The following PARD3B variants were observed in gnomAD, a reference collection of about 807,000 sequenced individuals.
PARD3B encodes partitioning defective 3 homolog B.
PARD3B carries 103 observed loss-of-function variants against 130.2 expected under a neutral mutation model. That is an observed-to-expected ratio of 0.79 (90% CI 0.67 to 0.93). The LOEUF (loss-of-function observed/expected upper bound fraction) is 0.93. Among genes scored for constraint, PARD3B ranks in the 40% least tolerant of loss-of-function variants. The pLI, the probability that PARD3B is intolerant of heterozygous loss-of-function variation, is 0.00. For synonymous variants in PARD3B, 583 were observed against 553.2 expected (o/e 1.05, Z -0.76); for missense variants, 1,609 against 1,499.2 (o/e 1.07, Z -1.21).
At chr2:205,344,311 A>G (rs1249203413) in intron 18 of PARD3B, among the ~76,000 whole-genome samples, 1 of 151,772 alleles carries the variant, frequency 6.6e-6, no homozygotes, top group Admixed American at 6.6e-5. Flanking sequence ...TATGGAGTGG[A>G]TGAGGCACAC....
rs113483740 is a variant in PARD3B at position 205,205,850 on chromosome 2, G to A, written c.2140+12530G>A. 8.0e-3 allele frequency among the ~76,000 whole-genome samples: 1,219 copies of A among 152,256 alleles called. 17 individuals are homozygous for A. Among genetic ancestry groups the A allele is most frequent in the African/African-American group, 0.014 (571 of 41,540 alleles). On this transcript the variant is annotated intron_variant, in intron 15 of 22. Coordinates refer to ENST00000406610, the MANE Select transcript of PARD3B (RefSeq NM_001302769.2). ...ATGTGCTGCTGGATTTGGTTTGCCA[G>A]TATTTTATTGAGGATTTTTGCATCG... is the stretch of plus-strand genomic sequence containing the variant.
chr2:204,889,996 T>A (rs2046391725), intron 2 of PARD3B, among the ~76,000 whole-genome samples: 1 of 152,266 alleles, frequency 6.6e-6, no homozygotes, highest in Non-Finnish European at 1.5e-5. Context: ...GTGTTTCTCC[T>A]TCTATAGAAA....
rs1185590532 is a variant in PARD3B, at chr2:204,965,087, CTAGA to C, written c.223-61_223-58del. Reference sequence around the variant, plus strand: ...GCAACCAAATAAAGATCACGTTCAGCTAGATAGTGTCCGTGTGGTATGCATGTCC... The same window carrying C: ...GCAACCAAATAAAGATCACGTTCAGCTAGTGTCCGTGTGGTATGCATGTCC... On this transcript the variant is annotated intron_variant, in intron 2 of 22. Transcript: ENST00000406610. 8 of 1,488,136 alleles carry C rather than the reference CTAGA, an allele frequency of 5.4e-6. No individual in the cohort carries two copies. The East Asian group carries it at 1.6e-4, about 30-fold the overall frequency. The allele number at this position is 1,488,136 out of a possible 1,614,324, so 92.2% of individuals were successfully genotyped here.
intron 20 of PARD3B, among the ~76,000 whole-genome samples, chr2:205,491,787 C>G (rs890157695): frequency 2.6e-5 from 4 of 152,102 alleles, no homozygotes; most frequent in African/African-American, 9.7e-5. Context: ...AAGCAGGACA[C>G]ATATTGAGAA....
chr2:205,471,972 G>A (rs546681070), intron 20 of PARD3B, among the ~76,000 whole-genome samples: 5 of 152,220 alleles, frequency 3.3e-5, no homozygotes, highest in African/African-American at 1.2e-4. Context: ...TTACCACTCA[G>A]CTTACTTAGA....
intron 2 of PARD3B, among the ~76,000 whole-genome samples, chr2:204,770,654 A>T (rs969883586): frequency 6.6e-6 from 1 of 151,994 alleles, no homozygotes; most frequent in Non-Finnish European, 1.5e-5. Flanking sequence ...ATGATGCGAT[A>T]TTTTGAGAGG....
At chr2:205,012,048 C>T (rs1392165386) in intron 3 of PARD3B, among the ~76,000 whole-genome samples, 3 of 152,090 alleles carry the variant, frequency 2.0e-5, no homozygotes, top group Non-Finnish European at 4.4e-5. Flanking sequence ...GCTGCTTTCC[C>T]CAATTCCTGA....
At chr2:204,611,631 T>C (rs11901243) in intron 1 of PARD3B, among the ~76,000 whole-genome samples, 3,253 of 152,252 alleles carry the variant, frequency 0.021, 126 homozygotes, top group East Asian at 0.14. Context: ...AAGATTATAA[T>C]ATGTAAGATA....
At chr2:204,700,721 G>A (rs1452892008) in intron 2 of PARD3B, among the ~76,000 whole-genome samples, 1 of 152,014 alleles carries the variant, frequency 6.6e-6, no homozygotes, top group Non-Finnish European at 1.5e-5. Flanking sequence ...ATTCATCTAA[G>A]GCAGGACAAT....
rs1355918217 is a variant in PARD3B, at chr2:205,563,369, T to C, written c.3260+9966T>C. ...CTGGCTAGGAGTCATATGATGCTCCTTTAATAAAAGAAAAAAATGTATCCT... is the reference window on the plus strand; with the variant it reads ...CTGGCTAGGAGTCATATGATGCTCCCTTAATAAAAGAAAAAAATGTATCCT... On this transcript the variant is annotated intron_variant, in intron 22 of 22. Transcript: ENST00000406610. This position sits in a 1 kb window ranked among gnomAD's most constrained non-coding sequence, Gnocchi z 4.2. Among the ~76,000 whole-genome samples, 2 of 152,230 alleles carry C rather than the reference T, an allele frequency of 1.3e-5. No homozygotes were observed. Among genetic ancestry groups the C allele is most frequent in the Non-Finnish European group, 2.9e-5 (2 of 68,042 alleles).
chr2:205,522,094 CAAAT>C (rs2051089937), intron 21 of PARD3B, among the ~76,000 whole-genome samples: 1 of 150,942 alleles, frequency 6.6e-6, no homozygotes, highest in South Asian at 2.1e-4. Context: ...TTATCTTTAC[CAAAT>C]AATATATTTA....
At position 205,198,145 on chromosome 2, in the gene PARD3B, T is replaced by C. The variant is rs111582721; in HGVS notation, c.2140+4825T>C. 7.7e-3 allele frequency among the ~76,000 whole-genome samples: 1,176 copies of C among 152,328 alleles called. 16 individuals are homozygous for C. Among genetic ancestry groups the C allele is most frequent in the Middle Eastern group, 0.014 (4 of 294 alleles). ...ATTCAGAGTTAAGTTTAAAATGCTG[T>C]TTCTCACAAGATACTGTTTTTAGAG... On this transcript the variant is annotated intron_variant, in intron 15 of 22. Coordinates refer to ENST00000406610, the MANE Select transcript of PARD3B (RefSeq NM_001302769.2).
intron 14 of PARD3B, among the ~76,000 whole-genome samples, chr2:205,190,534 G>A (rs551917129): frequency 6.6e-5 from 10 of 152,202 alleles, no homozygotes; most frequent in South Asian, 6.2e-4. Context: ...TTGCGGATTC[G>A]GGATCAGCAA....
intron 22 of PARD3B, among the ~76,000 whole-genome samples, chr2:205,580,135 G>A (rs1262168428): frequency 6.6e-6 from 1 of 152,132 alleles, no homozygotes; most frequent in Non-Finnish European, 1.5e-5. Context: ...TGCAAGAAGT[G>A]TTCATCTGTG....
In PARD3B at chr2:204,986,989, A is replaced by G. The variant is rs149329357; in HGVS notation, c.394+21666A>G. On this transcript the variant is annotated intron_variant, in intron 3 of 22. Coordinates refer to ENST00000406610, the MANE Select transcript of PARD3B (RefSeq NM_001302769.2). ...TTTTAGGGAGATATTCTAAAACAATAGCACAGGTACTGAACAAACTTCCCA... is the reference window on the plus strand; with the variant it reads ...TTTTAGGGAGATATTCTAAAACAATGGCACAGGTACTGAACAAACTTCCCA... 3.5e-3 allele frequency among the ~76,000 whole-genome samples: 536 copies of G among 152,352 alleles called. 3 individuals are homozygous for G. Among genetic ancestry groups the G allele is most frequent in the Middle Eastern group, 6.8e-3 (2 of 294 alleles).
At chr2:204,916,022 T>G (rs899124011) in intron 2 of PARD3B, among the ~76,000 whole-genome samples, 1 of 152,220 alleles carries the variant, frequency 6.6e-6, no homozygotes, top group African/African-American at 2.4e-5. Context: ...TCATATTATA[T>G]AGATGGCTTC....
chr2:205,523,569 T>C (rs1446696927), intron 21 of PARD3B, among the ~76,000 whole-genome samples: 1 of 152,094 alleles, frequency 6.6e-6, no homozygotes, highest in East Asian at 1.9e-4. Context: ...AATAATCTTT[T>C]GAGTACCTTA....
intron 1 of PARD3B, among the ~76,000 whole-genome samples, chr2:204,568,358 A>G (rs987678525): frequency 8.5e-5 from 13 of 152,224 alleles, no homozygotes; most frequent in Non-Finnish European, 4.4e-5. Context: ...AAGAAATAAC[A>G]AATCAGTTGC....
chr2:205,398,281 A>G (rs892818216), intron 18 of PARD3B, among the ~76,000 whole-genome samples: 7 of 151,774 alleles, frequency 4.6e-5, no homozygotes, highest in African/African-American at 1.2e-4. Context: ...AACCTCAGTA[A>G]CAAGAGTGAA....
Sources: allele counts gnomAD v4.1 joint callset (sites outside exome capture counted in the v4.1 genomes callset), GRCh38; gene constraint gnomAD v4.1.1; non-coding constraint Gnocchi (gnomAD v3.1); transcripts MANE v1.5; gene names NCBI Gene and HGNC (gene_info 2026-07-23, HGNC 2026-07-21).